Variants in PAPPA observed in about 807,000 individuals in gnomAD.
PAPPA encodes pappalysin-1.
Under a neutral mutation model 164.0 loss-of-function variants are expected in PAPPA, and 60 were observed. The observed-to-expected ratio is 0.37, with a 90% CI of 0.30 to 0.45. The LOEUF (loss-of-function observed/expected upper bound fraction) is 0.45, where lower values mean the gene tolerates loss of function less well. Among genes scored for constraint, PAPPA ranks in the 20% least tolerant of loss-of-function variants. PAPPA has a pLI of 1.00. For synonymous variants in PAPPA, 875 were observed against 814.1 expected (o/e 1.07, Z -1.27); for missense variants, 1,782 against 2,087.3 (o/e 0.85, Z 2.85).
chr9:116,388,947 G>A (rs944089143), intron 21 of PAPPA, among the ~76,000 whole-genome samples: 10 of 152,156 alleles, frequency 6.6e-5, no homozygotes, highest in Non-Finnish European at 1.5e-4. Context: ...TAGCACATTG[G>A]TCATTGGTCT....
chr9:116,369,641 C>T (rs562320233), intron 19 of PAPPA, among the ~76,000 whole-genome samples: 1 of 152,186 alleles, frequency 6.6e-6, no homozygotes, highest in South Asian at 2.1e-4. Context: ...TTTTTCCTAC[C>T]CCCTGGGCAA....
intron 7 of PAPPA, among the ~76,000 whole-genome samples, chr9:116,237,816 T>C (rs975895263): frequency 6.6e-6 from 1 of 151,708 alleles, no homozygotes; most frequent in Non-Finnish European, 1.5e-5. Flanking sequence ...ACCCCCCAGG[T>C]ATAAGCAATT....
At chr9:116,316,010 G>A (rs1845783754) in intron 10 of PAPPA, among the ~76,000 whole-genome samples, 1 of 152,178 alleles carries the variant, frequency 6.6e-6, no homozygotes, top group African/African-American at 2.4e-5. Context: ...ACAAAGGTTA[G>A]GTCACTTACC....
chr9:116,247,990 A>G (rs749516221), intron 7 of PAPPA, among the ~76,000 whole-genome samples: 6 of 152,226 alleles, frequency 3.9e-5, no homozygotes, highest in Non-Finnish European at 8.8e-5. Flanking sequence ...TTGCAAGAAC[A>G]TGATGCAATC....
Position 116,352,716 on chromosome 9 carries a change from C to T in PAPPA, c.3975C>T (p.Ser1325=). The T allele has an allele frequency of 6.2e-7, 1 of 1,612,614 alleles. No individual in the cohort carries two copies. The highest frequency in any genetic ancestry group is 1.1e-5 in the South Asian group (1 of 91,008). ...RHPAQLKGNN[S]LLTCMEDGLW... is the part of the protein sequence containing the mutation. Reference sequence around the variant, plus strand: ...GCCTATGTCTTCCAGGCAACAACAGCCTCCTGACCTGCATGGAGGATGGGC... The same window carrying T: ...GCCTATGTCTTCCAGGCAACAACAGTCTCCTGACCTGCATGGAGGATGGGC... The change falls in exon 16 of 22, where the codon AGC becomes AGT. Residue 1325 remains serine, a synonymous_variant. Coordinates refer to ENST00000328252, the MANE Select transcript of PAPPA (RefSeq NM_002581.5).
At chr9:116,380,761 T>G (rs1320666556) in intron 20 of PAPPA, among the ~76,000 whole-genome samples, 2 of 152,218 alleles carry the variant, frequency 1.3e-5, no homozygotes, top group Non-Finnish European at 2.9e-5. Context: ...AGCTGTGATC[T>G]TTTAGACTCT....
At chr9:116,186,236 GTATC>G (rs1423625570) in intron 1 of PAPPA, among the ~76,000 whole-genome samples, 2 of 130,536 alleles carry the variant, frequency 1.5e-5, no homozygotes, top group East Asian at 4.4e-4. Context: ...GTGTGTGTGT[GTATC>G]TATATCTATA....
rs935617906 is a variant in PAPPA, at chr9:116,255,331, C to T, written c.2733-10526C>T. Reference sequence around the variant, plus strand: ...AGCAGATGACTGAACTACATTGAATCGCAACTAAAAAATTCAAATAATTTC... The same window carrying T: ...AGCAGATGACTGAACTACATTGAATTGCAACTAAAAAATTCAAATAATTTC... On this transcript the variant is annotated intron_variant, in intron 7 of 21. Coordinates refer to ENST00000328252, the MANE Select transcript of PAPPA (RefSeq NM_002581.5). Among the ~76,000 whole-genome samples the T allele has an allele frequency of 2.4e-4, 36 of 151,862 alleles. 1 individual carries two copies. The highest frequency in any genetic ancestry group is 6.0e-4 in the African/African-American group (25 of 41,412).
intron 6 of PAPPA, among the ~76,000 whole-genome samples, chr9:116,233,587 C>G (rs577312975): frequency 3.0e-4 from 45 of 152,282 alleles, no homozygotes; most frequent in African/African-American, 1.1e-3. Context: ...TGCATTATAT[C>G]TAAGAAGCCT....
intron 21 of PAPPA, among the ~76,000 whole-genome samples, chr9:116,384,938 C>T (rs1466646500): frequency 2.0e-5 from 3 of 152,024 alleles, no homozygotes; most frequent in Admixed American, 1.3e-4. Context: ...AACTTAGGTA[C>T]TAAAATATAA....
chr9:116,208,563 C>G (rs1844266486), intron 3 of PAPPA, among the ~76,000 whole-genome samples: 1 of 152,150 alleles, frequency 6.6e-6, no homozygotes, highest in East Asian at 1.9e-4. Flanking sequence ...GTAGAATGTT[C>G]CCATTATTTA....
At chr9:116,334,659 G>A (rs1173673167) in intron 12 of PAPPA, among the ~76,000 whole-genome samples, 2 of 151,782 alleles carry the variant, frequency 1.3e-5, no homozygotes, top group African/African-American at 4.8e-5. Context: ...GGAGGCAGGG[G>A]GATTGGAAAG....
intron 20 of PAPPA, among the ~76,000 whole-genome samples, chr9:116,381,211 G>A (rs796691670): frequency 5.3e-5 from 8 of 152,308 alleles, no homozygotes; most frequent in African/African-American, 1.9e-4. Flanking sequence ...AAACCATGAA[G>A]TAACCATCCC....
In PAPPA at chr9:116,187,776, T is replaced by C; in HGVS notation, c.1038T>C (p.Ser346=). The C allele has an allele frequency of 6.2e-7, 1 of 1,614,246 alleles. No homozygotes were observed. The highest frequency in any genetic ancestry group is 8.5e-7 in the Non-Finnish European group (1 of 1,180,046). The change falls in exon 2 of 22, where the codon AGT becomes AGC. Residue 346 remains serine (S), a synonymous_variant. Coordinates refer to ENST00000328252, the MANE Select transcript of PAPPA (RefSeq NM_002581.5). This position sits in a 1 kb window ranked among gnomAD's most constrained non-coding sequence, Gnocchi z 4.2. ...TTGCCAGCTACAATCAGCTCTCAAG[T>C]TTCCGCCAGCCCAAGGTGGTGCGCT... is the stretch of plus-strand genomic sequence containing the variant. ...EVIASYNQLS[S]FRQPKVVRYR...
chr9:116,383,542 G>T (rs1213762635), intron 21 of PAPPA, among the ~76,000 whole-genome samples: 1 of 152,200 alleles, frequency 6.6e-6, no homozygotes, highest in East Asian at 1.9e-4. Flanking sequence ...GATAGAAAGA[G>T]TGAGGTTCCT....
At chr9:116,211,957 G>T in intron 4 of PAPPA, 25 bp downstream of exon 4, 1 of 1,595,326 alleles carries the variant, frequency 6.3e-7, no homozygotes, top group South Asian at 1.1e-5. Flanking sequence ...TCTGTAGGGT[G>T]AACAGGTCTG....
At chr9:116,233,330 A>G (rs1844621331) in intron 6 of PAPPA, among the ~76,000 whole-genome samples, 2 of 152,230 alleles carry the variant, frequency 1.3e-5, no homozygotes, top group Admixed American at 6.5e-5. Flanking sequence ...GCTGCCTTCA[A>G]TGAAGTTGAC....
chr9:116,255,971 C>T (rs1844922599), intron 7 of PAPPA, among the ~76,000 whole-genome samples: 1 of 149,956 alleles, frequency 6.7e-6, no homozygotes, highest in Non-Finnish European at 1.5e-5. Context: ...TTATACTGCT[C>T]AGTATGGTGT....
At chr9:116,389,900 C>T (rs1230627850) in intron 21 of PAPPA, among the ~76,000 whole-genome samples, 3 of 152,196 alleles carry the variant, frequency 2.0e-5, no homozygotes, top group East Asian at 3.9e-4. Context: ...ATGACCCCTA[C>T]TCCTCTTGAT....
Sources: allele counts gnomAD v4.1 joint callset (sites outside exome capture counted in the v4.1 genomes callset), GRCh38; gene constraint gnomAD v4.1.1; non-coding constraint Gnocchi (gnomAD v3.1); transcripts MANE v1.5; gene names NCBI Gene and HGNC (gene_info 2026-07-23, HGNC 2026-07-21).